The following DNAH2 variants were observed in gnomAD, a reference collection of about 807,000 sequenced individuals.
DNAH2 encodes dynein axonemal heavy chain 2.
A neutral mutation model predicts 523.5 loss-of-function variants in DNAH2; 323 were observed. That is an observed-to-expected ratio of 0.62 (90% CI 0.56 to 0.68). The LOEUF is 0.68. Ranked by LOEUF, DNAH2 falls within the 30% of genes least tolerant of loss-of-function variation. The probability of loss-of-function intolerance (pLI) is 0.00; values close to 1 mark genes in which losing one functional copy is unlikely to be tolerated. For missense variants in DNAH2, 4,907 were observed against 5,701.5 expected (o/e 0.86, Z 4.49); for synonymous variants, 2,093 against 2,177.4 (o/e 0.96, Z 1.08).
chr17:7,817,261 G>A, intron 64 of DNAH2, 29 bp from the exon 65 acceptor site: 3 of 1,577,314 alleles, frequency 1.9e-6, no homozygotes, highest in South Asian at 1.2e-5. Context: ...TGGGGCCCAG[G>A]CAGGCTTACC....
intron 24 of DNAH2, 136 bp from the exon 25 acceptor site, chr17:7,770,116 G>A: frequency 8.4e-7 from 1 of 1,188,632 alleles, no homozygotes; most frequent in Non-Finnish European, 1.2e-6. Flanking sequence ...GCCTAAGATT[G>A]CATCTTCGAG....
At chr17:7,745,954 G>A (rs182852783) in intron 12 of DNAH2, among the ~76,000 whole-genome samples, 12 of 152,160 alleles carry the variant, frequency 7.9e-5, no homozygotes, top group East Asian at 1.9e-4. Context: ...ATTTTGCCAC[G>A]TGACCTCAGG....
chr17:7,801,663 G>T lies in DNAH2; in HGVS notation c.8785G>T (p.Val2929Leu). ...SEWPQEALLE[V>L]AEKCLIGVDL... ...GTGGCCCCAAGAGGCCCTGCTCGAG[G>T]TGGCTGAGAAGTGCCTCATAGGAGT... The change falls in exon 57 of 86, where the codon GTG becomes TTG. Residue 2929 changes from valine to leucine, a missense_variant. By Grantham distance (32) the Val-to-Leu change is conservative. Transcript: ENST00000572933. The T allele has an allele frequency of 6.2e-7, 1 of 1,614,148 alleles. No individual in the cohort carries two copies. Among genetic ancestry groups the T allele is most frequent in the Non-Finnish European group, 8.5e-7 (1 of 1,180,030 alleles).
At position 7,792,620 on chromosome 17, in the gene DNAH2, G is replaced by A. The variant is rs538588985; in HGVS notation, c.7146-37G>A. 257 of 1,556,048 alleles carry A rather than the reference G, an allele frequency of 1.7e-4. 1 individual carries two copies. The East Asian group carries it at 4.7e-3, about 28-fold the overall frequency. ...AAGTGGGAGTTGGAAAGGAGTGGGC[G>A]GCTGGTCCTTGAGAGCCGGCCCCTG... On this transcript the variant is annotated intron_variant, in intron 46 of 85. Transcript: ENST00000572933.
intron 2 of DNAH2, among the ~76,000 whole-genome samples, chr17:7,722,964 CTTTTTTTTTTT>C (rs559136734): frequency 4.4e-5 from 5 of 114,698 alleles, no homozygotes; most frequent in African/African-American, 1.8e-4. Context: ...CTTTTCTTTC[CTTTTTTTTTTT>C]TTTTTTTTTT....
At position 7,787,966 on chromosome 17, in the gene DNAH2, A is replaced by G. The variant is rs2076787592; in HGVS notation, c.6710A>G (p.Tyr2237Cys). ...TACGCTGACCTGGGCTGGAAGCCCT[A>G]TGTTCAGTCATGGCTGGAGAAGAGG... ...TDYADLGWKP[Y>C]VQSWLEKRPK... The change falls in exon 43 of 86, where the codon TAT (tyrosine) becomes TGT (cysteine). Residue 2237 changes from tyrosine (Y) to cysteine (C), a missense_variant. Coordinates refer to ENST00000572933, the MANE Select transcript of DNAH2 (RefSeq NM_020877.5). 2 of 1,614,100 alleles carry G rather than the reference A, an allele frequency of 1.2e-6. No homozygotes were observed. Among genetic ancestry groups the G allele is most frequent in the South Asian group, 1.1e-5 (1 of 91,090 alleles).
At chr17:7,776,548 A>C (rs997979904) in intron 31 of DNAH2, among the ~76,000 whole-genome samples, 1 of 152,158 alleles carries the variant, frequency 6.6e-6, no homozygotes, top group African/African-American at 2.4e-5. Context: ...GGAAAGACAG[A>C]ATCTTGAGTC....
At position 7,757,146 on chromosome 17, in the gene DNAH2, A is replaced by G; in HGVS notation, c.1960A>G (p.Thr654Ala). 6.2e-7 allele frequency: 1 copy of G among 1,614,070 alleles called. No individual in the cohort carries two copies. The highest frequency in any genetic ancestry group is 8.5e-7 in the Non-Finnish European group (1 of 1,180,016). ...CTACTGGGAGCGGCTGCTGTTTGAG[A>G]CGCCCCATTACGTGGTGAACGTAGC... ...IDYWERLLFETPHYVVNVAER... is the reference protein window; with the variant it reads ...IDYWERLLFEAPHYVVNVAER... The change falls in exon 13 of 86, where the codon ACG becomes GCG. Residue 654 changes from threonine to alanine, a missense_variant. This residue lies in a region of DNAH2 where 2,806 missense variants were observed against 3,190.8 expected (regional missense o/e 0.88). Transcript: ENST00000572933.
intron 12 of DNAH2, among the ~76,000 whole-genome samples, chr17:7,752,658 T>C (rs941970112): frequency 5.3e-5 from 8 of 151,912 alleles, no homozygotes; most frequent in Non-Finnish European, 8.8e-5. Flanking sequence ...TGCAGTGAGC[T>C]GAGATTGCGC....
In DNAH2 at chr17:7,833,520, G is replaced by C; in HGVS notation, c.13271G>C (p.Ser4424Thr). 1 of 1,613,888 alleles carries C rather than the reference G, an allele frequency of 6.2e-7. No individual in the cohort carries two copies. Among genetic ancestry groups the C allele is most frequent in the Middle Eastern group, 1.6e-4 (1 of 6,062 alleles). The change falls in exon 86 of 86, where the codon AGC becomes ACC. Residue 4424 changes from serine (S) to threonine (T), a missense_variant. Physicochemically the swap from Ser to Thr is moderately conservative, Grantham distance 58. Around this residue, in one of 3 missense-constraint regions of DNAH2, gnomAD observed 1,851 missense variants for 2,139.4 expected, o/e 0.87. Transcript: ENST00000572933. ...AAGAGGGGCACTGCTCTACTCATGA[G>C]CCTGGACAGCTGAGACCTCCTCCTC... is the stretch of plus-strand genomic sequence containing the variant. ...WIKRGTALLMSLDS is the reference protein window; with the variant it reads ...WIKRGTALLMTLDS
intron 34 of DNAH2, 35 bp downstream of exon 34, chr17:7,778,215 G>A: frequency 1.2e-6 from 2 of 1,613,988 alleles, no homozygotes; most frequent in Non-Finnish European, 1.7e-6. Flanking sequence ...TGGCTGGGGT[G>A]GGGGGCAGCA....
At chr17:7,795,318 G>T (rs1048368713) in intron 49 of DNAH2, among the ~76,000 whole-genome samples, 1 of 152,002 alleles carries the variant, frequency 6.6e-6, no homozygotes, top group Admixed American at 6.6e-5. Flanking sequence ...TCCCCATCTG[G>T]TCTTTATTTT....
intron 33 of DNAH2, 27 bp downstream of exon 33, chr17:7,777,661 T>G (rs1317526681): frequency 3.1e-6 from 5 of 1,612,384 alleles, no homozygotes; most frequent in Non-Finnish European, 3.4e-6. Flanking sequence ...CTCCCCACTC[T>G]CTTACCGTAA....
chr17:7,805,205 C>T (rs750437132), intron 60 of DNAH2, 47 bp from the exon 61 acceptor site: 13 of 1,604,620 alleles, frequency 8.1e-6, no homozygotes, highest in Non-Finnish European at 1.1e-5. Flanking sequence ...TAGGTTCTGT[C>T]TCCAGAAGGT....
rs763685472 is a variant in DNAH2, at chr17:7,798,322, ATGG to A, written c.8398_8398+2del. The A allele has an allele frequency of 2.2e-5, 35 of 1,608,814 alleles. No homozygotes were observed. The highest frequency in any genetic ancestry group is 2.6e-5 in the Non-Finnish European group (31 of 1,176,248). On this transcript the variant is annotated splice_donor_variant and coding_sequence_variant, in exon 54 of 86. Transcript: ENST00000572933. LOFTEE classifies it high-confidence loss of function. This position sits in a 1 kb window ranked among gnomAD's most constrained non-coding sequence, Gnocchi z 5.5. ...CATTATCGGAAGCAGGAGTTCCGAG[ATGG>A]TACGGCTGGGTTTCTGAAATGCTAG...
Position 7,821,296 on chromosome 17 carries a change from T to C in DNAH2, c.11069T>C (p.Met3690Thr), listed in dbSNP as rs2077847279. The C allele has an allele frequency of 6.2e-7, 1 of 1,613,888 alleles. No individual in the cohort carries two copies. Among genetic ancestry groups the C allele is most frequent in the Middle Eastern group, 1.6e-4 (1 of 6,082 alleles). The change falls in exon 73 of 86, where the codon ATG (methionine) becomes ACG (threonine). Residue 3690 changes from methionine to threonine, a missense_variant. Physicochemically the swap from Met to Thr is moderately conservative, Grantham distance 81. This residue lies in a region of DNAH2 where 1,851 missense variants were observed against 2,139.4 expected (regional missense o/e 0.87). Coordinates refer to ENST00000572933, the MANE Select transcript of DNAH2 (RefSeq NM_020877.5). This position sits in a 1 kb window ranked among gnomAD's most constrained non-coding sequence, Gnocchi z 5.0. ...ERHKLLFSFH[M>T]CAKILETSGK... Reference sequence around the variant, plus strand: ...CACAAACTACTATTCAGTTTTCATATGTGTGCCAAAATCTTGGAGACTTCT... The same window carrying C: ...CACAAACTACTATTCAGTTTTCATACGTGTGCCAAAATCTTGGAGACTTCT...
At position 7,817,378 on chromosome 17, in the gene DNAH2, A is replaced by AC. The variant is rs1208293694; in HGVS notation, c.9985dup (p.Arg3329ProfsTer3). On this transcript the variant is annotated frameshift_variant, in exon 65 of 86. Transcript: ENST00000572933. LOFTEE classifies it high-confidence loss of function. The stretch of plus-strand genomic sequence containing the variant: ...TACATGGGACCCTTCCTGACCAACT[A>AC]CCGGGATGAGATTGTCAACCAAATC... 1 of 1,613,668 alleles carries AC rather than the reference A, an allele frequency of 6.2e-7. No homozygotes were observed. The highest frequency in any genetic ancestry group is 8.5e-7 in the Non-Finnish European group (1 of 1,179,916).
Position 7,719,152 on chromosome 17 carries a change from G to C in DNAH2, c.-15+353G>C, listed in dbSNP as rs563487441. Among the ~76,000 whole-genome samples the C allele has an allele frequency of 3.8e-4, 55 of 146,236 alleles. 1 individual carries two copies. In the South Asian group the frequency reaches 0.011, roughly 30 times the overall value. On this transcript the variant is annotated intron_variant, in intron 1 of 85. Coordinates refer to ENST00000572933, the MANE Select transcript of DNAH2 (RefSeq NM_020877.5). ...CTTTTTTTTTTTTTTTTTTGAGATAGAGTCTCACTCTGTCAGCCAGGCTGG... is the reference window on the plus strand; with the variant it reads ...CTTTTTTTTTTTTTTTTTTGAGATACAGTCTCACTCTGTCAGCCAGGCTGG...
In DNAH2 at chr17:7,727,182, G is replaced by A; in HGVS notation, c.289G>A (p.Glu97Lys). 1.9e-6 allele frequency: 3 copies of A among 1,608,486 alleles called. No individual in the cohort carries two copies. The highest frequency in any genetic ancestry group is 2.2e-5 in the East Asian group (1 of 44,592). Residue 97 changes from glutamate to lysine, a missense_variant, in exon 4 of 86, where the codon GAG (glutamate) becomes AAG (lysine). By Grantham distance (56) the Glu-to-Lys change is moderately conservative. Transcript: ENST00000572933. ...ACTGGCGGATGCAGTGTGGACACAG[G>A]AGCATGATGCCATTCTGGAACACTT... is the stretch of plus-strand genomic sequence containing the variant. ...TGLADAVWTQ[E>K]HDAILEHFAQ... is the part of the protein sequence containing the mutation.
Sources: gnomAD v4.1 joint callset for allele counts (sites outside exome capture counted in the v4.1 genomes callset) on GRCh38, gnomAD v4.1.1 for gene constraint, gnomAD v4.1.1 regional missense constraint, Gnocchi (gnomAD v3.1) non-coding constraint, MANE v1.5 for transcripts, NCBI Gene and HGNC (gene_info 2026-07-23, HGNC 2026-07-21) for gene names.